The following FREM1 variants were observed in gnomAD, a reference collection of about 807,000 sequenced individuals.
FREM1 encodes the protein FRAS1 related extracellular matrix 1.
A neutral mutation model predicts 210.1 loss-of-function variants in FREM1; 220 were observed. That is an observed-to-expected ratio of 1.05 (90% CI 0.94 to 1.17). The LOEUF is 1.17. Among genes scored for constraint, FREM1 ranks in the 50% most tolerant of loss-of-function variants. The pLI is 0.00. For missense variants in FREM1, 3,454 were observed against 2,675.5 expected (o/e 1.29, Z -6.42); for synonymous variants, 1,189 against 980.2 (o/e 1.21, Z -3.98).
chr9:14,864,183 C>A (rs918376895), intron 2 of FREM1, among the ~76,000 whole-genome samples: 1 of 152,130 alleles, frequency 6.6e-6, no homozygotes, highest in African/African-American at 2.4e-5. Flanking sequence ...AAATAAGTGT[C>A]TTTTTACCAC....
intron 25 of FREM1, among the ~76,000 whole-genome samples, chr9:14,772,506 A>G (rs1461578590): frequency 6.6e-6 from 1 of 152,236 alleles, no homozygotes. Flanking sequence ...TTCTAATTGA[A>G]CAAAATAAAA....
intron 7 of FREM1, among the ~76,000 whole-genome samples, chr9:14,846,520 A>T (rs999966907): frequency 1.3e-5 from 2 of 152,262 alleles, no homozygotes; most frequent in South Asian, 4.1e-4. Flanking sequence ...CAGAACTTAA[A>T]TTTTTTAAAA....
chr9:14,901,853 T>C (rs1838842573), intron 1 of FREM1, among the ~76,000 whole-genome samples: 1 of 152,118 alleles, frequency 6.6e-6, no homozygotes, highest in Non-Finnish European at 1.5e-5. Context: ...AAGATAGTTT[T>C]TATGTATTTT....
At chr9:14,785,978 A>G (rs1246446063) in intron 23 of FREM1, among the ~76,000 whole-genome samples, 2 of 152,154 alleles carry the variant, frequency 1.3e-5, no homozygotes, top group Non-Finnish European at 2.9e-5. Context: ...TGGGTCACAC[A>G]TGGACCAATG....
At chr9:14,901,324 T>C (rs1984063) in intron 1 of FREM1, among the ~76,000 whole-genome samples, 50,213 of 152,110 alleles carry the variant, frequency 0.33, 10,282 homozygotes, top group Non-Finnish European at 0.46. Flanking sequence ...CTCAAATCAT[T>C]CTATAAGTGT....
intron 36 of FREM1, 122 bp downstream of exon 36, chr9:14,740,027 G>T (rs1329455954): frequency 5.6e-6 from 3 of 531,580 alleles, no homozygotes; most frequent in East Asian, 5.9e-5. Flanking sequence ...TAGATCTATT[G>T]GTTGCCTATT....
chr9:14,740,003 A>G (rs943079566), intron 36 of FREM1, 146 bp downstream of exon 36: 2 of 435,870 alleles, frequency 4.6e-6, no homozygotes, highest in Non-Finnish European at 8.2e-6. Flanking sequence ...GATGAGTTTT[A>G]AAAGATAAAT....
At chr9:14,828,172 C>T (rs1260097480) in intron 10 of FREM1, among the ~76,000 whole-genome samples, 1 of 152,192 alleles carries the variant, frequency 6.6e-6, no homozygotes. Context: ...CAACCTCTGA[C>T]AGCTGTTGCC....
At chr9:14,761,473 C>A (rs1279314056) in intron 27 of FREM1, among the ~76,000 whole-genome samples, 1 of 152,060 alleles carries the variant, frequency 6.6e-6, no homozygotes, top group Admixed American at 6.6e-5. Flanking sequence ...AAATTGGAAA[C>A]TTTATGGGTC....
chr9:14,835,993 C>T (rs553747179), intron 10 of FREM1, among the ~76,000 whole-genome samples: 13 of 152,308 alleles, frequency 8.5e-5, no homozygotes, highest in South Asian at 2.1e-4. Context: ...GGACGGGTAA[C>T]GTCAAAATGT....
chr9:14,831,622 T>C (rs372812250), intron 10 of FREM1, among the ~76,000 whole-genome samples: 1 of 152,242 alleles, frequency 6.6e-6, no homozygotes, highest in East Asian at 1.9e-4. Flanking sequence ...CATTTTTCTA[T>C]GGGTAAATGC....
At chr9:14,827,954 G>A (rs542403482) in intron 10 of FREM1, among the ~76,000 whole-genome samples, 3 of 152,366 alleles carry the variant, frequency 2.0e-5, no homozygotes, top group African/African-American at 7.2e-5. Context: ...TGTGCAGAGT[G>A]CAAGAGCTGT....
intron 1 of FREM1, among the ~76,000 whole-genome samples, chr9:14,892,718 G>A (rs540356932): frequency 6.6e-6 from 1 of 152,234 alleles, no homozygotes; most frequent in African/African-American, 2.4e-5. Flanking sequence ...TGCCATGAAA[G>A]ATCCCTCTTC....
chr9:14,886,482 C>A lies in FREM1; in HGVS notation c.-267-17238G>T, dbSNP rs925386591. 5.9e-4 allele frequency among the ~76,000 whole-genome samples: 90 copies of A among 151,694 alleles called. 1 individual carries two copies. The highest frequency in any genetic ancestry group is 1.3e-4 in the Non-Finnish European group (9 of 67,946). On this transcript the variant is annotated intron_variant, in intron 1 of 36. Coordinates refer to ENST00000380880, the MANE Select transcript of FREM1 (RefSeq NM_001379081.2). ...AATAGCCACTTCAGGATGAACCCAC[C>A]CAAACGGAAGAGATTTTTGAAATCC...
chr9:14,793,961 T>G (rs79475929), intron 21 of FREM1, among the ~76,000 whole-genome samples: 1,967 of 152,278 alleles, frequency 0.013, 51 homozygotes, highest in African/African-American at 0.044. Context: ...AATCAGTTGG[T>G]TGAGGGCTTA....
At chr9:14,801,986 A>T (rs913565373) in intron 19 of FREM1, 112 bp from the exon 20 acceptor site, 4 of 726,116 alleles carry the variant, frequency 5.5e-6, no homozygotes, top group Non-Finnish European at 9.1e-6. Flanking sequence ...ATTTTCTATG[A>T]GATTTATATA....
Position 14,792,037 on chromosome 9 carries a change from G to T in FREM1, c.3981+706C>A, listed in dbSNP as rs573325851. 5.9e-5 allele frequency among the ~76,000 whole-genome samples: 9 copies of T among 152,108 alleles called. No individual in the cohort carries two copies. The East Asian group carries it at 1.2e-3, about 20-fold the overall frequency. On this transcript the variant is annotated intron_variant, in intron 22 of 36. Coordinates refer to ENST00000380880, the MANE Select transcript of FREM1 (RefSeq NM_001379081.2). Reference sequence around the variant, plus strand: ...TTTTTGCATTTTTAGTAGAGATGGGGTTTCACCACGTTGGCCAGGATGGTC... The same window carrying T: ...TTTTTGCATTTTTAGTAGAGATGGGTTTTCACCACGTTGGCCAGGATGGTC...
intron 27 of FREM1, among the ~76,000 whole-genome samples, chr9:14,765,499 C>T (rs558558512): frequency 1.3e-5 from 2 of 152,306 alleles, no homozygotes; most frequent in African/African-American, 4.8e-5. Flanking sequence ...AGCACCTGTA[C>T]ACAGTGGGTG....
Position 14,746,428 on chromosome 9 carries a change from T to C in FREM1, c.6179A>G (p.His2060Arg). The C allele has an allele frequency of 6.2e-7, 1 of 1,613,850 alleles. No homozygotes were observed. Among genetic ancestry groups the C allele is most frequent in the Non-Finnish European group, 8.5e-7 (1 of 1,179,772 alleles). ...GATCAAGATGTGACAGTAGCCTGAG[T>C]GCTGGTGCCACCCGGCTGGACAGGA... is the stretch of plus-strand genomic sequence containing the variant. Reference protein sequence around the residue: ...DKSCPAGWHQHSGYCHILITE... With the variant: ...DKSCPAGWHQRSGYCHILITE... The change falls in exon 35 of 37, where the codon CAC becomes CGC. Residue 2060 changes from histidine to arginine, a missense_variant. By Grantham distance (29) the His-to-Arg change is conservative. Coordinates refer to ENST00000380880, the MANE Select transcript of FREM1 (RefSeq NM_001379081.2).
Sources: allele counts gnomAD v4.1 joint callset (sites outside exome capture counted in the v4.1 genomes callset), GRCh38; gene constraint gnomAD v4.1.1; transcripts MANE v1.5; gene names NCBI Gene and HGNC (gene_info 2026-07-23, HGNC 2026-07-21).